GBE1: variants seen among roughly 807,000 people sequenced by gnomAD.
The protein encoded by GBE1 is 1,4-alpha-glucan-branching enzyme.
In GBE1, 70 loss-of-function variants were observed where a neutral mutation model predicts 88.8. The observed-to-expected ratio is 0.79, with a 90% CI of 0.65 to 0.96. The LOEUF (loss-of-function observed/expected upper bound fraction) is 0.96, where lower values mean the gene tolerates loss of function less well. Ranked by LOEUF, GBE1 falls within the 40% of genes least tolerant of loss-of-function variation. The pLI is 0.00. For missense variants in GBE1, 872 were observed against 871.0 expected (o/e 1.00, Z -0.01); for synonymous variants, 284 against 300.1 (o/e 0.95, Z 0.56).
intron 3 of GBE1, among the ~76,000 whole-genome samples, chr3:81,658,132 CAAG>C (rs1181234585): frequency 6.6e-6 from 1 of 151,826 alleles, no homozygotes; most frequent in Non-Finnish European, 1.5e-5. Flanking sequence ...TAATAAAAAA[CAAG>C]AAACCTTTCC....
rs936854464 is a variant in GBE1, at chr3:81,698,234, T to A, written c.313+7210A>T. ...AAAGTTGGTATGTATGTTGAAAATA[T>A]TAGTTAAAAGAGGGAGTAATAAAGT... On this transcript the variant is annotated intron_variant, in intron 2 of 15. Coordinates refer to ENST00000429644, the MANE Select transcript of GBE1 (RefSeq NM_000158.4). Among the ~76,000 whole-genome samples, 15 of 151,986 alleles carry A rather than the reference T, an allele frequency of 9.9e-5. No individual in the cohort carries two copies. The East Asian group carries it at 2.9e-3, about 29-fold the overall frequency.
intron 1 of GBE1, 106 bp downstream of exon 1, chr3:81,761,269 T>G (rs2107250022): frequency 1.4e-6 from 2 of 1,416,012 alleles, no homozygotes; most frequent in African/African-American, 1.5e-5. Context: ...CCTCCCCGCC[T>G]GGGGCGGGGT....
intron 1 of GBE1, among the ~76,000 whole-genome samples, chr3:81,725,223 T>A (rs936110525): frequency 6.6e-6 from 1 of 152,214 alleles, no homozygotes; most frequent in Non-Finnish European, 1.5e-5. Context: ...ATAAACTTTT[T>A]AATTTTTTCT....
chr3:81,623,261 C>G (rs192299582), intron 7 of GBE1, among the ~76,000 whole-genome samples: 35 of 152,322 alleles, frequency 2.3e-4, no homozygotes, highest in Admixed American at 3.9e-4. Context: ...ACCAACCCCA[C>G]TGCCCCTGCA....
At chr3:81,580,995 C>T (rs954452295) in intron 11 of GBE1, among the ~76,000 whole-genome samples, 170 bp downstream of exon 11, 8 of 151,526 alleles carry the variant, frequency 5.3e-5, no homozygotes, top group Non-Finnish European at 7.4e-5. Context: ...TTCCAATATA[C>T]GTAGTTTTCC....
At chr3:81,611,759 C>G (rs765108084) in intron 7 of GBE1, among the ~76,000 whole-genome samples, 14 of 152,024 alleles carry the variant, frequency 9.2e-5, no homozygotes, top group Non-Finnish European at 1.6e-4. Flanking sequence ...AGCTCTCAAG[C>G]TGATAAAGAG....
intron 1 of GBE1, among the ~76,000 whole-genome samples, chr3:81,720,327 A>C: frequency 6.7e-6 from 1 of 149,572 alleles, no homozygotes; most frequent in African/African-American, 2.5e-5. Flanking sequence ...ACACACACGC[A>C]CACACTGTGT....
chr3:81,682,452 GCT>G (rs1258711093), intron 2 of GBE1, among the ~76,000 whole-genome samples: 1 of 151,680 alleles, frequency 6.6e-6, no homozygotes, highest in Non-Finnish European at 1.5e-5. Flanking sequence ...GTAGAGCAAG[GCT>G]CTTTCTCAAA....
intron 14 of GBE1, among the ~76,000 whole-genome samples, chr3:81,531,769 C>T (rs1342222152): frequency 2.0e-5 from 3 of 152,038 alleles, no homozygotes; most frequent in Admixed American, 6.6e-5. Flanking sequence ...TGGCTCTAAG[C>T]CCAGTACAAC....
rs1383085103 is a variant in GBE1 at position 81,670,897 on chromosome 3, G to A, written c.370C>T (p.Leu124=). 15 of 1,578,478 alleles carry A rather than the reference G, an allele frequency of 9.5e-6. No homozygotes were observed. Among genetic ancestry groups the A allele is most frequent in the Non-Finnish European group, 1.2e-5 (14 of 1,166,150 alleles). ...TTATTCTGCTTTGGTGGGATATACA[G>A]CTCCCATTTTCCATAATCCAGTTTT... ...YKKLDYGKWE[L]YIPPKQNKSV... The change falls in exon 3 of 16, where the codon CTG becomes TTG. Residue 124 remains leucine, a synonymous_variant. Transcript: ENST00000429644.
At chr3:81,707,730 T>C (rs1201693785) in intron 1 of GBE1, among the ~76,000 whole-genome samples, 3 of 152,060 alleles carry the variant, frequency 2.0e-5, no homozygotes, top group Non-Finnish European at 2.9e-5. Flanking sequence ...TAGATGAGCA[T>C]TTAAGAAATA....
intron 14 of GBE1, among the ~76,000 whole-genome samples, chr3:81,526,950 C>T (rs902980054): frequency 1.2e-4 from 19 of 152,200 alleles, no homozygotes; most frequent in South Asian, 2.1e-4. Flanking sequence ...GGAGGTATCA[C>T]GCTACCTGAC....
chr3:81,531,510 C>T (rs561815531), intron 14 of GBE1, among the ~76,000 whole-genome samples: 13 of 152,088 alleles, frequency 8.5e-5, no homozygotes, highest in Admixed American at 3.3e-4. Flanking sequence ...TTGATGTTTA[C>T]TCAAGGTCCA....
At chr3:81,639,350 T>TAAA in intron 7 of GBE1, among the ~76,000 whole-genome samples, 1 of 151,560 alleles carries the variant, frequency 6.6e-6, no homozygotes, top group East Asian at 1.9e-4. Context: ...TATTTTTTTT[T>TAAA]AAAAAAAATG....
chr3:81,663,848 C>T (rs1705068918), intron 3 of GBE1, among the ~76,000 whole-genome samples: 1 of 152,150 alleles, frequency 6.6e-6, no homozygotes, highest in Non-Finnish European at 1.5e-5. Context: ...GAGCCACACC[C>T]CCATCGCGCG....
At chr3:81,735,709 C>T (rs769696735) in intron 1 of GBE1, among the ~76,000 whole-genome samples, 2 of 152,078 alleles carry the variant, frequency 1.3e-5, no homozygotes, top group African/African-American at 4.8e-5. Flanking sequence ...TTTAGGAAAG[C>T]CTTGGAAGAT....
At chr3:81,551,573 C>T (rs1260759512) in intron 12 of GBE1, among the ~76,000 whole-genome samples, 2 of 152,148 alleles carry the variant, frequency 1.3e-5, no homozygotes, top group Non-Finnish European at 2.9e-5. Flanking sequence ...CTCTCATCTA[C>T]CTATGACCTG....
intron 7 of GBE1, among the ~76,000 whole-genome samples, chr3:81,630,045 CTCA>C (rs1284593778): frequency 5.9e-5 from 9 of 152,212 alleles, no homozygotes; most frequent in Non-Finnish European, 1.3e-4. Flanking sequence ...AGGACATGAA[CTCA>C]TCATTTTTTA....
At chr3:81,700,954 G>A (rs1385123467) in intron 2 of GBE1, among the ~76,000 whole-genome samples, 1 of 152,088 alleles carries the variant, frequency 6.6e-6, no homozygotes, top group Non-Finnish European at 1.5e-5. Context: ...ATTGACATAT[G>A]TAGTTTACTG....
Sources: allele counts gnomAD v4.1 joint callset (sites outside exome capture counted in the v4.1 genomes callset), GRCh38; gene constraint gnomAD v4.1.1; transcripts MANE v1.5; gene names NCBI Gene and HGNC (gene_info 2026-07-23, HGNC 2026-07-21).